NCOR1: variants seen among roughly 807,000 people sequenced by gnomAD.
NCOR1 encodes the protein protein phosphatase 1, regulatory subunit 109.
A neutral mutation model predicts 288.1 loss-of-function variants in NCOR1; 63 were observed. That is an observed-to-expected ratio of 0.22 (90% CI 0.18 to 0.27). NCOR1 has a LOEUF of 0.27. Ranked by LOEUF, NCOR1 falls within the 10% of genes least tolerant of loss-of-function variation. The pLI, the probability that NCOR1 is intolerant of heterozygous loss-of-function variation, is 1.00. For synonymous variants in NCOR1, 1,007 were observed against 1,065.9 expected (o/e 0.94, Z 1.08); for missense variants, 2,397 against 3,019.2 (o/e 0.79, Z 4.83).
At chr17:16,118,222 T>C (rs764238699) in intron 17 of NCOR1, among the ~76,000 whole-genome samples, 195 bp from the exon 18 acceptor site, 6 of 152,168 alleles carry the variant, frequency 3.9e-5, no homozygotes, top group Non-Finnish European at 7.3e-5. Flanking sequence ...TCTATATTTT[T>C]CCCCCTCAAA....
At chr17:16,037,297 T>C (rs370731876) in intron 44 of NCOR1, among the ~76,000 whole-genome samples, 2 of 152,102 alleles carry the variant, frequency 1.3e-5, no homozygotes, top group South Asian at 2.1e-4. Flanking sequence ...ATGAACAAGT[T>C]TGAAATATTG....
At chr17:16,112,744 C>G (rs2070572837) in intron 18 of NCOR1, among the ~76,000 whole-genome samples, 1 of 152,130 alleles carries the variant, frequency 6.6e-6, no homozygotes, top group Non-Finnish European at 1.5e-5. Context: ...CCGCCTCGGC[C>G]TCCCAACGTG....
chr17:16,210,193 G>T (rs997015513), intron 1 of NCOR1, among the ~76,000 whole-genome samples: 3 of 152,046 alleles, frequency 2.0e-5, no homozygotes, highest in Non-Finnish European at 4.4e-5. Flanking sequence ...AGATCAGCCT[G>T]ACCAATATGG....
At chr17:16,069,068 T>G (rs2061449267) in intron 31 of NCOR1, among the ~76,000 whole-genome samples, 1 of 152,128 alleles carries the variant, frequency 6.6e-6, no homozygotes, top group Non-Finnish European at 1.5e-5. Flanking sequence ...AATTTACAAT[T>G]TTAGCCATTT....
At chr17:16,214,532 T>G (rs1254010031) in intron 1 of NCOR1, among the ~76,000 whole-genome samples, 9 of 152,214 alleles carry the variant, frequency 5.9e-5, no homozygotes, top group Admixed American at 5.9e-4. Context: ...GAATTACCTA[T>G]ACTACTACTC....
rs1468999160 is a variant in NCOR1, at chr17:16,064,113, G to A, written c.5176C>T (p.Arg1726Trp). 10 of 1,613,920 alleles carry A rather than the reference G, an allele frequency of 6.2e-6. No individual in the cohort carries two copies. Among genetic ancestry groups the A allele is most frequent in the Middle Eastern group, 1.6e-4 (1 of 6,084 alleles). ...REREREKERE[R>W]ERIAAASSDL... ...GAGGAAGCTGCAGCAATCCGTTCCC[G>A]CTCCCGCTCCTTCTCCCGCTCCCGT... The change falls in exon 35 of 46, where the codon CGG (arginine) becomes TGG (tryptophan). Residue 1726 changes from arginine (R) to tryptophan (W), a missense_variant. Coordinates refer to ENST00000268712, the MANE Select transcript of NCOR1 (RefSeq NM_006311.4).
intron 3 of NCOR1, among the ~76,000 whole-genome samples, chr17:16,183,824 G>C (rs1322546825): frequency 6.6e-6 from 1 of 152,108 alleles, no homozygotes; most frequent in Non-Finnish European, 1.5e-5. Context: ...CACACTTCCT[G>C]ATTTAAAATT....
At chr17:16,083,931 A>T (rs535824301) in intron 23 of NCOR1, 2 of 152,214 alleles carry the variant, frequency 1.3e-5, no homozygotes, top group Non-Finnish European at 2.9e-5. Flanking sequence ...GTGGCGAAAG[A>T]AAAGAAAAAA....
intron 1 of NCOR1, among the ~76,000 whole-genome samples, chr17:16,207,074 T>C (rs1307501165): frequency 1.3e-5 from 2 of 152,340 alleles, no homozygotes; most frequent in East Asian, 3.9e-4. Flanking sequence ...ACGTTCTGCA[T>C]ATTTTAGGTT....
At chr17:16,059,190 G>C (rs1273549530) in intron 37 of NCOR1, among the ~76,000 whole-genome samples, 1 of 152,000 alleles carries the variant, frequency 6.6e-6, no homozygotes, top group Non-Finnish European at 1.5e-5. Context: ...TTATGGAAGA[G>C]GTTAATAAAC....
Position 16,029,381 on chromosome 17 carries a change from T to C in NCOR1, c.*2915A>G, listed in dbSNP as rs1264757447. On this transcript the variant is annotated 3_prime_UTR_variant, in exon 46 of 46. Coordinates refer to ENST00000268712, the MANE Select transcript of NCOR1 (RefSeq NM_006311.4). ...TTCAAAAGTGAATTGGTTAAAATCG[T>C]GTCATTAAAATTTTTTAACTGTCCA... 3.8e-5 allele frequency: 13 copies of C among 340,440 alleles called. No homozygotes were observed. The allele number at this position is 340,440 out of a possible 1,614,324, so 21.1% of individuals were successfully genotyped here. A position where few individuals can be genotyped will look rare whatever the true frequency, so the allele number is the denominator to read the frequency against.
intron 15 of NCOR1, among the ~76,000 whole-genome samples, chr17:16,124,616 C>A (rs1306680458): frequency 6.6e-6 from 1 of 152,174 alleles, no homozygotes; most frequent in Admixed American, 6.5e-5. Context: ...TCCTACCACA[C>A]CCCTGTATGT....
At chr17:16,205,625 G>T (rs533543132) in intron 1 of NCOR1, among the ~76,000 whole-genome samples, 5 of 98,646 alleles carry the variant, frequency 5.1e-5, no homozygotes, top group Non-Finnish European at 7.9e-5. Context: ...CTGTCTAAAA[G>T]AAAAGAAAAG....
rs528130620 is a variant in NCOR1, at chr17:16,057,790, A to G, written c.6169-53T>C. On this transcript the variant is annotated intron_variant, in intron 39 of 45. Coordinates refer to ENST00000268712, the MANE Select transcript of NCOR1 (RefSeq NM_006311.4). ...AAAATTCATTGAGTACTTGCAAAAA[A>G]AAAATAGTATTAAGAAATCTAGATA... The G allele has an allele frequency of 5.2e-5, 80 of 1,539,260 alleles. No homozygotes were observed. The African/African-American group carries it at 1.0e-3, about 20-fold the overall frequency.
At chr17:16,153,761 CAA>C (rs778003814) in intron 6 of NCOR1, among the ~76,000 whole-genome samples, 1 of 152,034 alleles carries the variant, frequency 6.6e-6, no homozygotes, top group Non-Finnish European at 1.5e-5. Flanking sequence ...ATAAATCCCC[CAA>C]ACATTCTACA....
intron 44 of NCOR1, among the ~76,000 whole-genome samples, chr17:16,038,830 G>GCA (rs1444623606): frequency 2.0e-4 from 30 of 152,258 alleles, no homozygotes; most frequent in African/African-American, 7.0e-4. Context: ...GAGTGCAGTG[G>GCA]TGTGATCTCA....
chr17:16,087,316 C>CA, intron 22 of NCOR1: 1 of 1,304,194 alleles, frequency 7.7e-7, no homozygotes, highest in Non-Finnish European at 1.0e-6. Context: ...CGTTTGACCT[C>CA]AGCATAAGGC....
chr17:16,110,227 T>TCGCGAG (rs2069748253), intron 18 of NCOR1, among the ~76,000 whole-genome samples: 1 of 151,954 alleles, frequency 6.6e-6, no homozygotes, highest in South Asian at 2.1e-4. Context: ...GTGCTGGTGC[T>TCGCGAG]CTCCTGTAGT....
chr17:16,179,396 C>A (rs2084915602), intron 3 of NCOR1, among the ~76,000 whole-genome samples: 1 of 152,020 alleles, frequency 6.6e-6, no homozygotes. Flanking sequence ...TAGAAAAACA[C>A]AACCTACCAA....
Sources: allele counts gnomAD v4.1 joint callset (sites outside exome capture counted in the v4.1 genomes callset), GRCh38; gene constraint gnomAD v4.1.1; transcripts MANE v1.5; gene names NCBI Gene and HGNC (gene_info 2026-07-23, HGNC 2026-07-21).